Variants in DPT observed in about 807,000 individuals in gnomAD.
DPT encodes dermatopontin.
DPT carries 21 observed loss-of-function variants against 31.2 expected under a neutral mutation model. That is an observed-to-expected ratio of 0.67 (90% confidence interval 0.48 to 0.97). The LOEUF is 0.97. Among genes scored for constraint, DPT ranks in the 50% least tolerant of loss-of-function variants. The pLI, the probability that DPT is intolerant of heterozygous loss-of-function variation, is 0.00. For missense variants in DPT, 262 were observed against 258.8 expected (o/e 1.01, Z -0.08); for synonymous variants, 91 against 86.9 (o/e 1.05, Z -0.26).
intron 2 of DPT, among the ~76,000 whole-genome samples, chr1:168,709,074 A>C (rs1271762667): frequency 6.6e-6 from 1 of 152,236 alleles, no homozygotes; most frequent in Non-Finnish European, 1.5e-5. Context: ...TTGAAGAGAA[A>C]AGTAAAGGTT....
At chr1:168,698,251 T>C (rs552378650) in intron 3 of DPT, among the ~76,000 whole-genome samples, 24 of 152,318 alleles carry the variant, frequency 1.6e-4, no homozygotes, top group Admixed American at 1.4e-3. Context: ...CAATTGGGTA[T>C]AGAGTCCCTC....
At chr1:168,707,992 T>A (rs760989880) in intron 2 of DPT, among the ~76,000 whole-genome samples, 1 of 152,166 alleles carries the variant, frequency 6.6e-6, no homozygotes, top group African/African-American at 2.4e-5. Context: ...AGGACCCCCA[T>A]GGATACCAAA....
intron 2 of DPT, among the ~76,000 whole-genome samples, chr1:168,701,663 G>A (rs1199272972): frequency 6.6e-6 from 1 of 152,178 alleles, no homozygotes; most frequent in African/African-American, 2.4e-5. Flanking sequence ...TTCTTATTGT[G>A]AGTTATAGTC....
Position 168,719,009 on chromosome 1 carries a change from T to C in DPT, c.306-4663A>G, listed in dbSNP as rs555849420. Among the ~76,000 whole-genome samples the C allele has an allele frequency of 1.1e-3, 168 of 152,288 alleles. 1 individual carries two copies. Among genetic ancestry groups the C allele is most frequent in the African/African-American group, 3.5e-3 (146 of 41,564 alleles). On this transcript the variant is annotated intron_variant, in intron 1 of 3. Transcript: ENST00000367817. ...CCACTTTGGAGCACAGGTACTTTAG[T>C]ATGCCTTACCACTCTCAGGAAGTAG...
At chr1:168,718,602 G>A (rs1335838191) in intron 1 of DPT, among the ~76,000 whole-genome samples, 2 of 152,168 alleles carry the variant, frequency 1.3e-5, no homozygotes, top group Non-Finnish European at 2.9e-5. Flanking sequence ...ACTGTGGGGA[G>A]CAGATAGTAG....
intron 1 of DPT, among the ~76,000 whole-genome samples, chr1:168,720,077 G>A (rs997779840): frequency 7.2e-5 from 11 of 152,184 alleles, no homozygotes. Flanking sequence ...AGGGGAAAGA[G>A]CCCTTGTTGA....
At chr1:168,721,312 A>G (rs1438129927) in intron 1 of DPT, among the ~76,000 whole-genome samples, 1 of 152,238 alleles carries the variant, frequency 6.6e-6, no homozygotes, top group Non-Finnish European at 1.5e-5. Context: ...CTGTAAAACT[A>G]GGATGACAGT....
chr1:168,717,528 T>C (rs1650010054), intron 1 of DPT, among the ~76,000 whole-genome samples: 1 of 152,200 alleles, frequency 6.6e-6, no homozygotes, highest in South Asian at 2.1e-4. Flanking sequence ...TGATGATAGT[T>C]CCTTTTGGTA....
intron 1 of DPT, among the ~76,000 whole-genome samples, chr1:168,716,158 C>A (rs1480205129): frequency 6.6e-6 from 1 of 152,138 alleles, no homozygotes; most frequent in Non-Finnish European, 1.5e-5. Context: ...ATCATCCGTC[C>A]TTTTAAATTT....
At chr1:168,702,257 A>C (rs1649615459) in intron 2 of DPT, among the ~76,000 whole-genome samples, 1 of 152,240 alleles carries the variant, frequency 6.6e-6, no homozygotes, top group Non-Finnish European at 1.5e-5. Flanking sequence ...TCTCCTCTGC[A>C]GACTGATGGT....
intron 1 of DPT, among the ~76,000 whole-genome samples, chr1:168,719,984 A>T (rs934886154): frequency 2.6e-5 from 4 of 152,154 alleles, no homozygotes; most frequent in Non-Finnish European, 5.9e-5. Flanking sequence ...AAAATGATTT[A>T]TCTCAGGGTC....
At chr1:168,718,552 T>C (rs1006173511) in intron 1 of DPT, among the ~76,000 whole-genome samples, 5 of 152,208 alleles carry the variant, frequency 3.3e-5, no homozygotes, top group Non-Finnish European at 7.4e-5. Flanking sequence ...TGTGAAAGCA[T>C]TCCTTCCAGA....
rs1352686121 is a variant in DPT at position 168,729,079 on chromosome 1, G to A, written c.96C>T (p.Asp32=). The A allele has an allele frequency of 5.0e-6, 8 of 1,614,246 alleles. No individual in the cohort carries two copies. In the South Asian group the frequency reaches 7.7e-5, roughly 16 times the overall value. The change falls in exon 1 of 4, where the codon GAC becomes GAT. Residue 32 remains aspartate, a synonymous_variant. Coordinates refer to ENST00000367817, the MANE Select transcript of DPT (RefSeq NM_001937.5). ...AATTCACCCACCCATCATCGCTGTA[G>A]TCATGATACTGCTGGTATGGGTATC... ...DYGYPYQQYH[D]YSDDGWVNLN...
At chr1:168,702,911 A>G (rs1649635621) in intron 2 of DPT, among the ~76,000 whole-genome samples, 1 of 152,146 alleles carries the variant, frequency 6.6e-6, no homozygotes, top group Non-Finnish European at 1.5e-5. Context: ...TGCGCCCAGC[A>G]TGGTAAATGT....
Position 168,728,815 on chromosome 1 carries a change from G to A in DPT, c.305+55C>T, listed in dbSNP as rs1292345197. On this transcript the variant is annotated intron_variant, in intron 1 of 3. Transcript: ENST00000367817. ...TTGAGAGTCTAGCAGCCCCCAGGAG[G>A]AGGGATATGCAGAGATGTTCCCAGC... 5 of 1,581,846 alleles carry A rather than the reference G, an allele frequency of 3.2e-6. No homozygotes were observed. The African/African-American group carries it at 5.4e-5, about 17-fold the overall frequency.
intron 2 of DPT, among the ~76,000 whole-genome samples, chr1:168,706,957 C>T (rs531953): frequency 0.16 from 24,104 of 152,174 alleles, 2,517 homozygotes; most frequent in East Asian, 0.45. Context: ...TTCAACAGCT[C>T]CCCTCCAATT....
intron 3 of DPT, among the ~76,000 whole-genome samples, chr1:168,697,261 C>T (rs12071952): frequency 0.027 from 4,052 of 151,928 alleles, 183 homozygotes; most frequent in African/African-American, 0.092. Context: ...GAAACCCTGT[C>T]TCAAAAAAAA....
chr1:168,700,160 C>T (rs1054808478), intron 3 of DPT, among the ~76,000 whole-genome samples: 2 of 151,980 alleles, frequency 1.3e-5, no homozygotes, highest in Admixed American at 1.3e-4. Flanking sequence ...GAGGAGGAGC[C>T]TTTAGGGGGG....
At chr1:168,709,397 A>G (rs1051966742) in intron 2 of DPT, among the ~76,000 whole-genome samples, 4 of 152,248 alleles carry the variant, frequency 2.6e-5, no homozygotes, top group African/African-American at 9.6e-5. Context: ...TATAAAATTC[A>G]CTATTCATCC....
Sources: allele counts gnomAD v4.1 joint callset (sites outside exome capture counted in the v4.1 genomes callset), GRCh38; gene constraint gnomAD v4.1.1; transcripts MANE v1.5; gene names NCBI Gene and HGNC (gene_info 2026-07-23, HGNC 2026-07-21).